RUNX2: variants seen among roughly 807,000 people sequenced by gnomAD.
RUNX2 encodes runt-related transcription factor 2.
A neutral mutation model predicts 51.7 loss-of-function variants in RUNX2; 10 were observed. That is an observed-to-expected ratio of 0.19 (90% confidence interval 0.12 to 0.33). The LOEUF is 0.33. Among genes scored for constraint, RUNX2 ranks in the 10% least tolerant of loss-of-function variants. The probability of loss-of-function intolerance (pLI) is 1.00; values close to 1 mark genes in which losing one functional copy is unlikely to be tolerated. For synonymous variants in RUNX2, 276 were observed against 273.6 expected, an observed-to-expected ratio of 1.01 and a Z score of -0.09; for missense variants, 562 against 691.3, an observed-to-expected ratio of 0.81 and a Z score of 2.10.
At chr6:45,438,640 A>G (rs991365358) in intron 5 of RUNX2, among the ~76,000 whole-genome samples, 1 of 152,184 alleles carries the variant, frequency 6.6e-6, no homozygotes, top group African/African-American at 2.4e-5. Context: ...GTTTAAATCC[A>G]TCTTGGTTTA....
At chr6:45,423,103 T>TCG (rs1563079676) in intron 3 of RUNX2, 146 bp downstream of exon 3, 8 of 1,079,404 alleles carry the variant, frequency 7.4e-6, no homozygotes, top group Non-Finnish European at 1.0e-5. Context: ...CGGCCGGGCC[T>TCG]CCCTCCGGAT....
chr6:45,424,112 G>T (rs76981935), intron 3 of RUNX2, among the ~76,000 whole-genome samples: 1 of 152,268 alleles, frequency 6.6e-6, no homozygotes, highest in Non-Finnish European at 1.5e-5. Flanking sequence ...AGCGGCCTCT[G>T]CGCGCCCCGC....
intron 2 of RUNX2, among the ~76,000 whole-genome samples, chr6:45,350,644 A>G (rs1248496059): frequency 6.6e-6 from 1 of 152,182 alleles, no homozygotes; most frequent in Non-Finnish European, 1.5e-5. Flanking sequence ...ATTTCTAAAA[A>G]TAATTTCTGG....
intron 5 of RUNX2, among the ~76,000 whole-genome samples, chr6:45,440,826 G>A (rs989231435): frequency 5.3e-5 from 8 of 152,102 alleles, no homozygotes; most frequent in Non-Finnish European, 7.4e-5. Context: ...TTTGTGTTAT[G>A]TACTTATGTG....
At chr6:45,341,374 T>A (rs1468177257) in intron 2 of RUNX2, among the ~76,000 whole-genome samples, 1 of 152,168 alleles carries the variant, frequency 6.6e-6, no homozygotes, top group African/African-American at 2.4e-5. Context: ...GATCTATGAA[T>A]CTCAACAGAC....
intron 8 of RUNX2, among the ~76,000 whole-genome samples, chr6:45,546,336 TG>T (rs908550139): frequency 3.3e-5 from 5 of 152,226 alleles, no homozygotes; most frequent in African/African-American, 1.2e-4. Flanking sequence ...GATATCTTTT[TG>T]ATGTTCCTTC....
intron 4 of RUNX2, among the ~76,000 whole-genome samples, chr6:45,434,482 C>T (rs2150369726): frequency 6.6e-6 from 1 of 152,050 alleles, no homozygotes; most frequent in Non-Finnish European, 1.5e-5. Context: ...CATAAACTCT[C>T]AGAAACTGAA....
intron 6 of RUNX2, among the ~76,000 whole-genome samples, chr6:45,500,231 G>T (rs1226144762): frequency 1.3e-5 from 2 of 151,936 alleles, no homozygotes; most frequent in Non-Finnish European, 2.9e-5. Flanking sequence ...ACAGAGAGTT[G>T]GTGTACATTG....
In RUNX2 at chr6:45,491,988, C is replaced by T. The variant is rs1201891556; in HGVS notation, c.733C>T (p.Arg245Cys). The T allele has an allele frequency of 1.9e-6, 3 of 1,613,774 alleles. No homozygotes were observed. The highest frequency in any genetic ancestry group is 2.2e-5 in the East Asian group (1 of 44,874). ...CTCTAAACCTAGTTTGTTCTCTGACCGCCTCAGTGATTTAGGGCGCATTCC... is the reference window on the plus strand; with the variant it reads ...CTCTAAACCTAGTTTGTTCTCTGACTGCCTCAGTGATTTAGGGCGCATTCC... Reference protein sequence around the residue: ...DDSKPSLFSDRLSDLGRIPHP... With the variant: ...DDSKPSLFSDCLSDLGRIPHP... The change falls in exon 6 of 9, where the codon CGC (arginine) becomes TGC (cysteine). Residue 245 changes from arginine to cysteine, a missense_variant. Arg to Cys is a radical substitution (Grantham distance 180, BLOSUM62 -3). Coordinates refer to ENST00000647337, the MANE Select transcript of RUNX2 (RefSeq NM_001024630.4).
chr6:45,538,850 A>G (rs1457749969), intron 7 of RUNX2, among the ~76,000 whole-genome samples: 1 of 152,108 alleles, frequency 6.6e-6, no homozygotes, highest in Non-Finnish European at 1.5e-5. Flanking sequence ...AGGATGTGAC[A>G]GGGCAGTCAT....
At chr6:45,448,015 T>C (rs1799053438) in intron 5 of RUNX2, among the ~76,000 whole-genome samples, 1 of 152,192 alleles carries the variant, frequency 6.6e-6, no homozygotes, top group Admixed American at 6.5e-5. Context: ...TCAGGTTAGC[T>C]GGAGTAGTAT....
intron 2 of RUNX2, among the ~76,000 whole-genome samples, chr6:45,385,046 T>C (rs1050873793): frequency 6.6e-6 from 1 of 152,176 alleles, no homozygotes; most frequent in Non-Finnish European, 1.5e-5. Context: ...TTGACAATTA[T>C]TCTTTTAACA....
intron 2 of RUNX2, among the ~76,000 whole-genome samples, chr6:45,343,431 G>A (rs955205348): frequency 6.6e-5 from 10 of 152,204 alleles, no homozygotes; most frequent in Non-Finnish European, 8.8e-5. Context: ...TGAAGGACTC[G>A]AGAGACTAAC....
chr6:45,401,672 A>G (rs756508685), intron 2 of RUNX2, among the ~76,000 whole-genome samples: 3 of 152,250 alleles, frequency 2.0e-5, no homozygotes, highest in African/African-American at 4.8e-5. Flanking sequence ...GAAGGCAAAG[A>G]TTGTTTATGT....
At chr6:45,523,318 T>G (rs1801565141) in intron 7 of RUNX2, among the ~76,000 whole-genome samples, 1 of 151,956 alleles carries the variant, frequency 6.6e-6, no homozygotes, top group South Asian at 2.1e-4. Context: ...CAGGCTGGAG[T>G]GTAGTGGCAT....
At chr6:45,413,706 G>A (rs1214410401) in intron 2 of RUNX2, among the ~76,000 whole-genome samples, 1 of 152,156 alleles carries the variant, frequency 6.6e-6, no homozygotes, top group Non-Finnish European at 1.5e-5. Flanking sequence ...TGGGATTACA[G>A]GCATGAGCCA....
chr6:45,394,473 T>G (rs924737064), intron 2 of RUNX2, among the ~76,000 whole-genome samples: 2 of 152,170 alleles, frequency 1.3e-5, no homozygotes, highest in Non-Finnish European at 2.9e-5. Flanking sequence ...TTAAGTAGGG[T>G]CTGAAGCTTA....
In RUNX2 at chr6:45,388,409, A is replaced by G. The variant is rs557398146; in HGVS notation, c.59-34184A>G. ...AAATTGCAGCTAGCCCAGAGCATAC[A>G]GCAGTGGCTTTAAAAGTGTACTTGC... On this transcript the variant is annotated intron_variant, in intron 2 of 8. Coordinates refer to ENST00000647337, the MANE Select transcript of RUNX2 (RefSeq NM_001024630.4). Among the ~76,000 whole-genome samples, 330 of 152,348 alleles carry G rather than the reference A, an allele frequency of 2.2e-3. 1 individual carries two copies. The highest frequency in any genetic ancestry group is 7.6e-3 in the African/African-American group (316 of 41,586).
chr6:45,413,429 CTTTTTTTTTT>C (rs67659911), intron 2 of RUNX2, among the ~76,000 whole-genome samples: 4 of 56,636 alleles, frequency 7.1e-5, no homozygotes, highest in South Asian at 2.2e-3. Context: ...AAGATACATT[CTTTTTTTTTT>C]TTTTTTTTTT....
Sources: gnomAD v4.1 joint callset for allele counts (sites outside exome capture counted in the v4.1 genomes callset) on GRCh38, gnomAD v4.1.1 for gene constraint, MANE v1.5 for transcripts, NCBI Gene and HGNC (gene_info 2026-07-23, HGNC 2026-07-21) for gene names.